DCAF8L2: variants seen among roughly 807,000 people sequenced by gnomAD.
DCAF8L2 encodes the protein DDB1 and CUL4 associated factor 8 like 2, also known as DDB1- and CUL4-associated factor 8-like protein 2.
For synonymous variants in DCAF8L2, 200 were observed against 190.9 expected (o/e 1.05, Z -0.39); for missense variants, 430 against 490.7 (o/e 0.88, Z 1.17).
At chrX:27,584,988 C>A in the DCAF8L2 span, among the ~76,000 whole-genome samples, 1 of 111,151 alleles carries the variant, frequency 9.0e-6, no homozygotes, top group South Asian at 3.8e-4. Context: ...ACATAATTAT[C>A]CAGTGTAAAA....
intron 3 of DCAF8L2, among the ~76,000 whole-genome samples, chrX:27,687,862 T>C (rs1930567797): frequency 1.8e-5 from 2 of 111,443 alleles, no homozygotes; most frequent in Admixed American, 1.9e-4. Flanking sequence ...TTTATAAAGG[T>C]ATCTGTCTTT....
chrX:27,542,798 T>C, the DCAF8L2 span, among the ~76,000 whole-genome samples: 2 of 110,459 alleles, frequency 1.8e-5, no homozygotes, highest in Non-Finnish European at 3.8e-5. Context: ...CGCCTCGGCC[T>C]CCCAAAGTCT....
intron 2 of DCAF8L2, among the ~76,000 whole-genome samples, chrX:27,634,419 T>A (rs1928415329): frequency 9.0e-6 from 1 of 111,359 alleles, no homozygotes; most frequent in South Asian, 3.9e-4. Flanking sequence ...AGTGGCAATA[T>A]AGCCTTGTGG....
intron 1 of DCAF8L2, among the ~76,000 whole-genome samples, chrX:27,594,259 A>G (rs1211257168): frequency 3.6e-5 from 4 of 111,847 alleles, no homozygotes; most frequent in Non-Finnish European, 7.5e-5. Context: ...ATAAAGGATA[A>G]CAATTGCAGT....
intron 2 of DCAF8L2, among the ~76,000 whole-genome samples, chrX:27,665,789 C>T (rs1929720011): frequency 8.9e-6 from 1 of 111,938 alleles, no homozygotes; most frequent in African/African-American, 3.2e-5. Context: ...TCGCTGAGGG[C>T]TCAGATGATC....
chrX:27,540,255 C>T, the DCAF8L2 span, among the ~76,000 whole-genome samples: 1 of 111,438 alleles, frequency 9.0e-6, no homozygotes, highest in Admixed American at 9.6e-5. Context: ...TTTTCCTTCC[C>T]TCTAAACGGT....
At position 27,598,685 on chromosome X, in the gene DCAF8L2, C is replaced by A. The variant is rs72623776; in HGVS notation, c.-342+8245C>A. On this transcript the variant is annotated intron_variant, in intron 1 of 4. Coordinates refer to ENST00000451261, the MANE Select transcript of DCAF8L2 (RefSeq NM_001353450.2). ...TTAAAAGGTGACTGATCCCTTTGTT[C>A]GGGGCTCAGACTTTCTGGACCCTAG... Among the ~76,000 whole-genome samples, 778 of 111,473 alleles carry A rather than the reference C, an allele frequency of 7.0e-3. 22 individuals carry two copies. In the East Asian group the frequency reaches 0.12, roughly 18 times the overall value.
At chrX:27,494,384 C>T in the DCAF8L2 span, among the ~76,000 whole-genome samples, 16 of 110,258 alleles carry the variant, frequency 1.5e-4, no homozygotes, top group African/African-American at 2.0e-4. Flanking sequence ...CTAGCCTGGG[C>T]GACAGAGCAA....
At chrX:27,579,210 T>C in the DCAF8L2 span, among the ~76,000 whole-genome samples, 1 of 111,826 alleles carries the variant, frequency 8.9e-6, no homozygotes, top group African/African-American at 3.3e-5. Context: ...ATATACACCA[T>C]GGAATACTAT....
At chrX:27,475,924 T>C in the DCAF8L2 span, among the ~76,000 whole-genome samples, 2 of 111,518 alleles carry the variant, frequency 1.8e-5, no homozygotes, top group Non-Finnish European at 3.8e-5. Flanking sequence ...AATGCAAAGA[T>C]GAATGCCTAC....
upstream of DCAF8L2, among the ~76,000 whole-genome samples, chrX:27,589,159 T>C (rs1455842108): frequency 9.0e-6 from 1 of 111,527 alleles, no homozygotes; most frequent in Non-Finnish European, 1.9e-5. Flanking sequence ...AAGATTATGG[T>C]TGGTTCCTTA....
the DCAF8L2 span, among the ~76,000 whole-genome samples, chrX:27,492,842 T>C: frequency 8.9e-6 from 1 of 112,481 alleles, no homozygotes; most frequent in Non-Finnish European, 1.9e-5. Context: ...ACTTTTCATT[T>C]CCACCAGGTG....
the DCAF8L2 span, chrX:27,518,956 G>T: frequency 1.6e-6 from 1 of 607,597 alleles, no homozygotes; most frequent in Non-Finnish European, 2.8e-6. Flanking sequence ...ACCTGATTTT[G>T]TTTTTTATGC....
the DCAF8L2 span, among the ~76,000 whole-genome samples, chrX:27,568,043 G>A: frequency 9.0e-6 from 1 of 110,926 alleles, no homozygotes; most frequent in East Asian, 2.8e-4. Context: ...CTGATTTCTG[G>A]GAAGGTCAGA....
chrX:27,504,114 G>A, the DCAF8L2 span, among the ~76,000 whole-genome samples: 16 of 111,629 alleles, frequency 1.4e-4, no homozygotes, highest in Non-Finnish European at 2.8e-4. Context: ...TTGCAACGTG[G>A]AAACACATAT....
At chrX:27,574,836 C>T in the DCAF8L2 span, among the ~76,000 whole-genome samples, 2 of 111,084 alleles carry the variant, frequency 1.8e-5, no homozygotes, top group African/African-American at 6.6e-5. Flanking sequence ...GCTCCGACCT[C>T]ACGGCAATGT....
intron 1 of DCAF8L2, among the ~76,000 whole-genome samples, chrX:27,614,896 G>A (rs1390492667): frequency 9.0e-6 from 1 of 111,258 alleles, no homozygotes; most frequent in Non-Finnish European, 1.9e-5. Flanking sequence ...TTTGGAATAA[G>A]TTCAGATTCT....
intron 4 of DCAF8L2, among the ~76,000 whole-genome samples, chrX:27,718,314 T>C (rs752290617): frequency 9.3e-4 from 104 of 112,143 alleles, no homozygotes; most frequent in Admixed American, 1.4e-3. Context: ...TAGCATCATG[T>C]TTTTGAGATT....
chrX:27,541,330 T>A, the DCAF8L2 span, among the ~76,000 whole-genome samples: 1,129 of 100,178 alleles, frequency 0.011, 11 homozygotes, highest in African/African-American at 0.038. Context: ...GAAATAAATT[T>A]TTTTATTTTT....
Sources: allele counts gnomAD v4.1 joint callset (sites outside exome capture counted in the v4.1 genomes callset), GRCh38; gene constraint gnomAD v4.1.1; transcripts MANE v1.5; gene names NCBI Gene and HGNC (gene_info 2026-07-23, HGNC 2026-07-21).